The following CHRNB2 variants were observed in gnomAD, a reference collection of about 807,000 sequenced individuals.
The protein encoded by CHRNB2 is cholinergic receptor nicotinic beta 2 subunit, also known as neuronal acetylcholine receptor subunit beta-2.
CHRNB2 carries 33 observed loss-of-function variants against 42.7 expected under a neutral mutation model. That is an observed-to-expected ratio of 0.77 (90% CI 0.59 to 1.03). The LOEUF (loss-of-function observed/expected upper bound fraction) is 1.03, where lower values mean the gene tolerates loss of function less well. Among genes scored for constraint, CHRNB2 ranks in the 50% least tolerant of loss-of-function variants. CHRNB2 has a pLI of 0.00. For missense variants in CHRNB2, 603 were observed against 700.9 expected (o/e 0.86, Z 1.58); for synonymous variants, 325 against 292.9 (o/e 1.11, Z -1.12).
chr1:154,575,720 C>G, intron 5 of CHRNB2, 42 bp from the exon 6 acceptor site: 8 of 1,610,822 alleles, frequency 5.0e-6, no homozygotes, highest in Non-Finnish European at 6.8e-6. Context: ...GTCTCCCATC[C>G]TGCATCATGT....
rs763511654 is a variant in CHRNB2 at position 154,571,422 on chromosome 1, G to C, written c.599G>C (p.Ser200Thr). ...EVASLDDFTPSGEWDIVALPG... is the reference protein window; with the variant it reads ...EVASLDDFTPTGEWDIVALPG... The stretch of plus-strand genomic sequence containing the variant: ...GCCAGCCTGGACGACTTCACACCTA[G>C]TGGTGAGTGGGACATCGTGGCGCTG... Residue 200 changes from serine (S) to threonine (T), a missense_variant, in exon 5 of 6, where the codon AGT becomes ACT. Around this residue, in one of 2 missense-constraint regions of CHRNB2, gnomAD observed 333 missense variants for 452.6 expected, o/e 0.74. Transcript: ENST00000368476. This position sits in a 1 kb window ranked among gnomAD's most constrained non-coding sequence, Gnocchi z 6.8. The C allele has an allele frequency of 6.2e-7, 1 of 1,614,204 alleles. No individual in the cohort carries two copies. The highest frequency in any genetic ancestry group is 8.5e-7 in the Non-Finnish European group (1 of 1,180,036).
At chr1:154,568,943 G>T (rs947502002) in intron 1 of CHRNB2, among the ~76,000 whole-genome samples, 1 of 151,904 alleles carries the variant, frequency 6.6e-6, no homozygotes, top group Non-Finnish European at 1.5e-5. Flanking sequence ...ATGTCATTAC[G>T]TGAGGCACAT....
Position 154,579,784 on chromosome 1 carries a change from C to T in CHRNB2, c.*3852C>T, listed in dbSNP as rs1696356904. On this transcript the variant is annotated 3_prime_UTR_variant, in exon 6 of 6. Transcript: ENST00000368476. ...TTCCCCACACTGCCCTTGGCCTCCCCGCTCTGCACGCCTGGAGTATTTGCA... is the reference window on the plus strand; with the variant it reads ...TTCCCCACACTGCCCTTGGCCTCCCTGCTCTGCACGCCTGGAGTATTTGCA... 3.3e-5 allele frequency: 5 copies of T among 152,364 alleles called. No individual in the cohort carries two copies. Among genetic ancestry groups the T allele is most frequent in the Admixed American group, 3.3e-4 (5 of 15,288 alleles). 9.4% of individuals were successfully genotyped at this position (152,364 alleles called of 1,614,324 possible).
rs1443730590 is a variant in CHRNB2 at position 154,579,910 on chromosome 1, G to A, written c.*3978G>A. Reference sequence around the variant, plus strand: ...TTGTCACTCTATTTGGGGGTTGGGAGAGAGCCCGTGGGGGCCAGCGTTGGC... The same window carrying A: ...TTGTCACTCTATTTGGGGGTTGGGAAAGAGCCCGTGGGGGCCAGCGTTGGC... On this transcript the variant is annotated 3_prime_UTR_variant, in exon 6 of 6. Coordinates refer to ENST00000368476, the MANE Select transcript of CHRNB2 (RefSeq NM_000748.3). 2 of 152,420 alleles carry A rather than the reference G, an allele frequency of 1.3e-5. No homozygotes were observed. The highest frequency in any genetic ancestry group is 4.8e-5 in the African/African-American group (2 of 41,470). The allele number at this position is 152,420 out of a possible 1,614,324, so 9.4% of individuals were successfully genotyped here.
intron 5 of CHRNB2, among the ~76,000 whole-genome samples, chr1:154,574,152 C>T: frequency 6.6e-6 from 1 of 152,086 alleles, no homozygotes; most frequent in South Asian, 2.1e-4. Context: ...AAAAAAAAAT[C>T]ATTACAATTA....
chr1:154,572,673 C>T (rs966767664), intron 5 of CHRNB2, among the ~76,000 whole-genome samples: 5 of 151,862 alleles, frequency 3.3e-5, no homozygotes, highest in Admixed American at 6.6e-5. Context: ...GCGTTGGTGG[C>T]GGGGTTAGAG....
chr1:154,576,344 G>A lies in CHRNB2; in HGVS notation c.*412G>A, dbSNP rs78691486. The A allele has an allele frequency of 1.7e-4, 56 of 331,956 alleles. No individual in the cohort carries two copies. Among genetic ancestry groups the A allele is most frequent in the South Asian group, 1.1e-3 (43 of 39,426 alleles). 20.6% of individuals were successfully genotyped at this position (331,956 alleles called of 1,614,324 possible). A position where few individuals can be genotyped will look rare whatever the true frequency, so the allele number is the denominator to read the frequency against. On this transcript the variant is annotated 3_prime_UTR_variant, in exon 6 of 6. Transcript: ENST00000368476. Reference sequence around the variant, plus strand: ...GGGTGGAAGGGCAGGAGCTCACACCGCACCGGGCTGGCCTGACACAATGGT... The same window carrying A: ...GGGTGGAAGGGCAGGAGCTCACACCACACCGGGCTGGCCTGACACAATGGT...
At position 154,571,369 on chromosome 1, in the gene CHRNB2, G is replaced by T. The variant is rs199696100; in HGVS notation, c.546G>T (p.Glu182Asp). Residue 182 changes from glutamate to aspartate, a missense_variant, in exon 5 of 6, where the codon GAG (glutamate) becomes GAT (aspartate). Glu to Asp is a conservative substitution (Grantham distance 45). Around this residue, in one of 2 missense-constraint regions of CHRNB2, gnomAD observed 333 missense variants for 452.6 expected, o/e 0.74. Coordinates refer to ENST00000368476, the MANE Select transcript of CHRNB2 (RefSeq NM_000748.3). This position sits in a 1 kb window ranked among gnomAD's most constrained non-coding sequence, Gnocchi z 6.8. ...KFRSWTYDRT[E>D]IDLVLKSEVA... is the part of the protein sequence containing the mutation. Reference sequence around the variant, plus strand: ...GTTCGTGGACCTACGACCGCACAGAGATCGACTTGGTGCTGAAGAGTGAGG... The same window carrying T: ...GTTCGTGGACCTACGACCGCACAGATATCGACTTGGTGCTGAAGAGTGAGG... 4.6e-5 allele frequency: 74 copies of T among 1,614,094 alleles called. No homozygotes were observed. Among genetic ancestry groups the T allele is most frequent in the Non-Finnish European group, 5.9e-5 (70 of 1,180,046 alleles).
chr1:154,570,776 C>T (rs1244662286), intron 4 of CHRNB2, among the ~76,000 whole-genome samples: 1 of 152,154 alleles, frequency 6.6e-6, no homozygotes. Flanking sequence ...ACAAAGCCAC[C>T]TTCCTCAACT....
chr1:154,567,850 C>A lies in CHRNB2; in HGVS notation c.-195C>A. 2.1e-6 allele frequency: 1 copy of A among 474,872 alleles called. No individual in the cohort carries two copies. Among genetic ancestry groups the A allele is most frequent in the Non-Finnish European group, 3.6e-6 (1 of 274,776 alleles). 29.4% of individuals were successfully genotyped at this position (474,872 alleles called of 1,614,324 possible). A position where few individuals can be genotyped will look rare whatever the true frequency, so the allele number is the denominator to read the frequency against. On this transcript the variant is annotated 5_prime_UTR_variant, in exon 1 of 6. Transcript: ENST00000368476. Reference sequence around the variant, plus strand: ...CGGAAAAGCCTCCGCCTGCTCATACCAGGATAGGCAAGAAGCTGGTTTCTC... The same window carrying A: ...CGGAAAAGCCTCCGCCTGCTCATACAAGGATAGGCAAGAAGCTGGTTTCTC...
At chr1:154,574,865 T>C (rs961602737) in intron 5 of CHRNB2, among the ~76,000 whole-genome samples, 2 of 151,996 alleles carry the variant, frequency 1.3e-5, no homozygotes, top group African/African-American at 2.4e-5. Context: ...TCAGTGGCTG[T>C]CTCCCCACCC....
At chr1:154,569,759 G>T in intron 2 of CHRNB2, 33 bp from the exon 3 acceptor site, 1 of 1,614,044 alleles carries the variant, frequency 6.2e-7, no homozygotes, top group Non-Finnish European at 8.5e-7. Context: ...CAGGCTTAGG[G>T]GCCTTCTCGG....
At position 154,569,629 on chromosome 1, in the gene CHRNB2, T is replaced by C. The variant is rs534209387; in HGVS notation, c.210+22T>C. 82 of 1,614,092 alleles carry C rather than the reference T, an allele frequency of 5.1e-5. 2 individuals are homozygous for C. In the South Asian group the frequency reaches 8.6e-4, roughly 17 times the overall value. On this transcript the variant is annotated intron_variant, in intron 2 of 5. Coordinates refer to ENST00000368476, the MANE Select transcript of CHRNB2 (RefSeq NM_000748.3). ...TGTGGTGAGTAGAGGTCCCAGGCTCTCTGCCCAGCTACTGAAATCAGCCCC... is the reference window on the plus strand; with the variant it reads ...TGTGGTGAGTAGAGGTCCCAGGCTCCCTGCCCAGCTACTGAAATCAGCCCC...
rs2101520989 is a variant in CHRNB2, at chr1:154,571,554, CCT to C, written c.732_733del (p.Val246AlafsTer123). 6.2e-7 allele frequency: 1 copy of C among 1,614,188 alleles called. No homozygotes were observed. Among genetic ancestry groups the C allele is most frequent in the Non-Finnish European group, 8.5e-7 (1 of 1,180,036 alleles). ...TTCTACACCATCAACCTCATCATCCCCTGTGTGCTCATCACCTCGCTAGCCAT... is the reference window on the plus strand; with the variant it reads ...TTCTACACCATCAACCTCATCATCCCGTGTGCTCATCACCTCGCTAGCCAT... On this transcript the variant is annotated frameshift_variant, in exon 5 of 6. Coordinates refer to ENST00000368476, the MANE Select transcript of CHRNB2 (RefSeq NM_000748.3). LOFTEE classifies it high-confidence loss of function. This position sits in a 1 kb window ranked among gnomAD's most constrained non-coding sequence, Gnocchi z 6.8.
intron 3 of CHRNB2, among the ~76,000 whole-genome samples, 193 bp from the exon 4 acceptor site, chr1:154,570,065 C>T (rs1194386611): frequency 6.6e-6 from 1 of 152,128 alleles, no homozygotes; most frequent in African/African-American, 2.4e-5. Flanking sequence ...AATACTGTAC[C>T]TTGGCCTAGC....
At chr1:154,575,531 A>G (rs1161704872) in intron 5 of CHRNB2, among the ~76,000 whole-genome samples, 1 of 152,110 alleles carries the variant, frequency 6.6e-6, no homozygotes, top group African/African-American at 2.4e-5. Flanking sequence ...AGATAGGCTC[A>G]TATTTGTCGT....
chr1:154,568,129 G>A (rs1696095391), intron 1 of CHRNB2, 21 bp downstream of exon 1: 12 of 1,591,356 alleles, frequency 7.5e-6, no homozygotes, highest in Non-Finnish European at 8.5e-6. Context: ...GACGGGCACT[G>A]GCCAGGTTCT....
chr1:154,571,078 C>A lies in CHRNB2; in HGVS notation c.366-111C>A, dbSNP rs1266669693. On this transcript the variant is annotated intron_variant, in intron 4 of 5. Transcript: ENST00000368476. The surrounding 1 kb of genome is among the most constrained non-coding windows in gnomAD (Gnocchi z 6.8). Reference sequence around the variant, plus strand: ...GATGGTTACTCTCAGATCTGGGTGTCCCCTCCCCATGTCTCCCTCTGGTTT... The same window carrying A: ...GATGGTTACTCTCAGATCTGGGTGTACCCTCCCCATGTCTCCCTCTGGTTT... The A allele has an allele frequency of 1.3e-6, 2 of 1,599,936 alleles. No homozygotes were observed. Among genetic ancestry groups the A allele is most frequent in the Non-Finnish European group, 1.7e-6 (2 of 1,176,628 alleles).
chr1:154,569,649 AG>A (rs1557850852), intron 2 of CHRNB2, 42 bp downstream of exon 2: 1 of 1,613,828 alleles, frequency 6.2e-7, no homozygotes, highest in Non-Finnish European at 8.5e-7. Context: ...TACTGAAATC[AG>A]CCCCGCCAAA....
Sources: allele counts gnomAD v4.1 joint callset (sites outside exome capture counted in the v4.1 genomes callset), GRCh38; gene constraint gnomAD v4.1.1; regional missense constraint gnomAD v4.1.1; non-coding constraint Gnocchi (gnomAD v3.1); transcripts MANE v1.5; gene names NCBI Gene and HGNC (gene_info 2026-07-23, HGNC 2026-07-21).